Variants in FKBP6 observed in about 807,000 individuals in gnomAD.
FKBP6 encodes inactive peptidyl-prolyl cis-trans isomerase FKBP6.
FKBP6 carries 29 observed loss-of-function variants against 41.7 expected under a neutral mutation model. The ratio of observed to expected loss-of-function variants is 0.70; its 90% CI spans 0.52 to 0.95. FKBP6 has a LOEUF of 0.95. Among genes scored for constraint, FKBP6 ranks in the 40% least tolerant of loss-of-function variants. The pLI is 0.00. For synonymous variants in FKBP6, 130 were observed against 165.1 expected (o/e 0.79, Z 1.63); for missense variants, 338 against 408.7 (o/e 0.83, Z 1.49).
chr7:73,348,885 G>A (rs1243221473), intron 8 of FKBP6, among the ~76,000 whole-genome samples: 1 of 152,054 alleles, frequency 6.6e-6, no homozygotes, highest in Non-Finnish European at 1.5e-5. Context: ...TGGGCAGATC[G>A]CTTGAGGTCA....
intron 5 of FKBP6, among the ~76,000 whole-genome samples, chr7:73,334,888 A>G (rs1407447797): frequency 6.6e-6 from 1 of 152,116 alleles, no homozygotes; most frequent in Non-Finnish European, 1.5e-5. Context: ...TCTGCTGCAG[A>G]TATTTTCAGA....
In FKBP6 at chr7:73,349,805, G is replaced by A. The variant is rs944179186; in HGVS notation, c.*2+6906G>A. ...GGAAGGGATGCGCCAGCACCCACAC[G>A]TGTTCAGCAGCCTGGAAGCTCTCCA... is the stretch of plus-strand genomic sequence containing the variant. On this transcript the variant is annotated intron_variant, in intron 8 of 8. Coordinates refer to ENST00000252037, the MANE Select transcript of FKBP6 (RefSeq NM_003602.5). Among the ~76,000 whole-genome samples the A allele has an allele frequency of 4.6e-5, 7 of 151,626 alleles. No individual in the cohort carries two copies. In the South Asian group the frequency reaches 6.3e-4, roughly 14 times the overall value.
chr7:73,345,066 G>A (rs1031150888), intron 8 of FKBP6, among the ~76,000 whole-genome samples: 2 of 152,100 alleles, frequency 1.3e-5, no homozygotes, highest in African/African-American at 2.4e-5. Context: ...CATGCCAGGT[G>A]CACGATTGGT....
intron 8 of FKBP6, among the ~76,000 whole-genome samples, chr7:73,346,864 T>G (rs1352697942): frequency 1.3e-5 from 2 of 152,222 alleles, no homozygotes; most frequent in Non-Finnish European, 2.9e-5. Flanking sequence ...GAAGATGCCC[T>G]AACCGAAGTT....
chr7:73,341,245 T>C, intron 6 of FKBP6, 28 bp from the exon 7 acceptor site: 1 of 1,449,572 alleles, frequency 6.9e-7, no homozygotes. Context: ...TTTCTAACTG[T>C]GCTTTTAAAG....
intron 8 of FKBP6, among the ~76,000 whole-genome samples, chr7:73,348,310 T>C (rs1418096774): frequency 6.6e-6 from 1 of 152,182 alleles, no homozygotes; most frequent in African/African-American, 2.4e-5. Context: ...CCCCCCTTCT[T>C]TGAAAAATCT....
intron 8 of FKBP6, among the ~76,000 whole-genome samples, chr7:73,345,244 G>C (rs1036185154): frequency 7.5e-6 from 1 of 133,996 alleles, no homozygotes; most frequent in Non-Finnish European, 1.6e-5. Flanking sequence ...AAAAAAAAAA[G>C]ATTTGCAGAA....
chr7:73,347,191 T>A (rs1805354324), intron 8 of FKBP6, among the ~76,000 whole-genome samples: 1 of 152,248 alleles, frequency 6.6e-6, no homozygotes, highest in Non-Finnish European at 1.5e-5. Context: ...TTTCTTAGTG[T>A]ATTTTTATTA....
chr7:73,354,442 C>T (rs1400557850), intron 8 of FKBP6, among the ~76,000 whole-genome samples: 3 of 152,160 alleles, frequency 2.0e-5, no homozygotes, highest in African/African-American at 7.2e-5. Flanking sequence ...TGAGGGTTGG[C>T]TCTGAGAAGC....
At chr7:73,348,472 C>T (rs548726401) in intron 8 of FKBP6, among the ~76,000 whole-genome samples, 8 of 152,312 alleles carry the variant, frequency 5.3e-5, no homozygotes, top group East Asian at 3.9e-4. Flanking sequence ...TACTCTCCTT[C>T]GCAACACTCA....
At chr7:73,349,309 T>C (rs1805419546) in intron 8 of FKBP6, among the ~76,000 whole-genome samples, 1 of 151,756 alleles carries the variant, frequency 6.6e-6, no homozygotes, top group African/African-American at 2.4e-5. Context: ...CTTGGGAGGC[T>C]GAGGTAGGAG....
chr7:73,341,150 C>T (rs2115897489), intron 6 of FKBP6, 123 bp from the exon 7 acceptor site: 2 of 799,140 alleles, frequency 2.5e-6, no homozygotes, highest in East Asian at 4.9e-5. Context: ...TCTGGAATCC[C>T]TGACCTCAGT....
intron 5 of FKBP6, among the ~76,000 whole-genome samples, chr7:73,334,243 G>A (rs1804936404): frequency 6.6e-6 from 1 of 152,166 alleles, no homozygotes; most frequent in Admixed American, 6.5e-5. Context: ...GCCTCTGCGT[G>A]TGTGTATCTT....
At chr7:73,336,054 G>C (rs1480195418) in intron 5 of FKBP6, among the ~76,000 whole-genome samples, 3 of 152,090 alleles carry the variant, frequency 2.0e-5, no homozygotes, top group Non-Finnish European at 4.4e-5. Context: ...TTTGAATCTA[G>C]TTAGGGAGTT....
intron 7 of FKBP6, among the ~76,000 whole-genome samples, chr7:73,341,830 ATTGTTT>A (rs1312456474): frequency 2.0e-5 from 3 of 151,428 alleles, no homozygotes; most frequent in Admixed American, 6.6e-5. Flanking sequence ...CATCTGGCTA[ATTGTTT>A]TTGTATTTTA....
At chr7:73,339,221 C>T (rs1805098803) in intron 5 of FKBP6, 1 of 152,192 alleles carries the variant, frequency 6.6e-6, no homozygotes, top group South Asian at 2.1e-4. Flanking sequence ...AGTTTTAACT[C>T]CTACTTTTAG....
At chr7:73,331,433 CCAA>C (rs1804838180) in intron 4 of FKBP6, among the ~76,000 whole-genome samples, 1 of 152,170 alleles carries the variant, frequency 6.6e-6, no homozygotes, top group Non-Finnish European at 1.5e-5. Context: ...AGAGGTGACT[CCAA>C]CACAGAAGGC....
intron 8 of FKBP6, among the ~76,000 whole-genome samples, chr7:73,353,977 C>T (rs1419624845): frequency 6.6e-6 from 1 of 152,044 alleles, no homozygotes; most frequent in African/African-American, 2.4e-5. Context: ...TAAAGTGATC[C>T]TCCTGCCTTG....
chr7:73,345,827 C>G (rs775258553), intron 8 of FKBP6, among the ~76,000 whole-genome samples: 2 of 152,140 alleles, frequency 1.3e-5, no homozygotes, highest in Non-Finnish European at 1.5e-5. Context: ...CCACTTTTGA[C>G]TGCTTTTGGG....
Sources: gnomAD v4.1 joint callset for allele counts (sites outside exome capture counted in the v4.1 genomes callset) on GRCh38, gnomAD v4.1.1 for gene constraint, MANE v1.5 for transcripts, NCBI Gene and HGNC (gene_info 2026-07-23, HGNC 2026-07-21) for gene names.